Variants in MARCHF6 observed in about 807,000 individuals in gnomAD.
MARCHF6 encodes membrane associated ring-CH-type finger 6.
MARCHF6 carries 31 observed loss-of-function variants against 133.7 expected under a neutral mutation model. That is an observed-to-expected ratio of 0.23 (90% CI 0.17 to 0.31). The LOEUF is 0.31. Ranked by LOEUF, MARCHF6 falls within the 10% of genes least tolerant of loss-of-function variation. MARCHF6 has a pLI of 1.00. For missense variants in MARCHF6, 723 were observed against 1,121.6 expected (o/e 0.64, Z 5.08); for synonymous variants, 395 against 402.5 (o/e 0.98, Z 0.22).
intron 1 of MARCHF6, among the ~76,000 whole-genome samples, chr5:10,365,822 C>CT (rs901655447): frequency 4.6e-5 from 7 of 151,754 alleles, no homozygotes; most frequent in African/African-American, 1.2e-4. Flanking sequence ...CAGTGGCTGT[C>CT]TTTTTTTTGC....
intron 1 of MARCHF6, among the ~76,000 whole-genome samples, chr5:10,372,784 T>C (rs571972114): frequency 6.6e-6 from 1 of 152,336 alleles, no homozygotes; most frequent in African/African-American, 2.4e-5. Flanking sequence ...GCCAATCTCT[T>C]TAATACCTAT....
At chr5:10,381,587 T>G (rs1269851791) in intron 3 of MARCHF6, among the ~76,000 whole-genome samples, 7 of 152,226 alleles carry the variant, frequency 4.6e-5, no homozygotes, top group Admixed American at 6.5e-5. Flanking sequence ...CCCAGAGGCC[T>G]TTGTTGATTT....
chr5:10,360,509 A>G (rs1735761184), intron 1 of MARCHF6, among the ~76,000 whole-genome samples: 1 of 152,128 alleles, frequency 6.6e-6, no homozygotes, highest in African/African-American at 2.4e-5. Flanking sequence ...TGTATATGGA[A>G]GGATGTGCAT....
chr5:10,425,906 T>A (rs1294539158), intron 23 of MARCHF6, among the ~76,000 whole-genome samples: 1 of 152,272 alleles, frequency 6.6e-6, no homozygotes, highest in African/African-American at 2.4e-5. Flanking sequence ...ACTAAATTTT[T>A]AAATACCTTT....
At chr5:10,376,760 C>T (rs1736806522) in intron 1 of MARCHF6, among the ~76,000 whole-genome samples, 1 of 152,200 alleles carries the variant, frequency 6.6e-6, no homozygotes, top group South Asian at 2.1e-4. Context: ...TGCCTGTAAC[C>T]ACGCACCACA....
At chr5:10,430,932 G>A (rs536126634) in intron 25 of MARCHF6, among the ~76,000 whole-genome samples, 25 of 152,330 alleles carry the variant, frequency 1.6e-4, no homozygotes, top group African/African-American at 5.5e-4. Context: ...CCGAACTGTA[G>A]GCTGAATCAT....
At chr5:10,407,642 T>A (rs1336964959) in intron 17 of MARCHF6, among the ~76,000 whole-genome samples, 1 of 152,126 alleles carries the variant, frequency 6.6e-6, no homozygotes, top group Non-Finnish European at 1.5e-5. Context: ...ATGGAACATC[T>A]TTTTTGCTTT....
chr5:10,438,439 C>G lies in MARCHF6; in HGVS notation c.*4755C>G, dbSNP rs1316008887. On this transcript the variant is annotated 3_prime_UTR_variant, in exon 26 of 26. Coordinates refer to ENST00000274140, the MANE Select transcript of MARCHF6 (RefSeq NM_005885.4). ...GAAATGCTATTCGAACCATAGACAT[C>G]TTTAATCTGTGAAGCTGAAATTTTT... 1 of 152,188 alleles carries G rather than the reference C, an allele frequency of 6.6e-6. No homozygotes were observed. The highest frequency in any genetic ancestry group is 2.4e-5 in the African/African-American group (1 of 41,448). 9.4% of individuals were successfully genotyped at this position (152,188 alleles called of 1,614,324 possible). A position where few individuals can be genotyped will look rare whatever the true frequency, so the allele number is the denominator to read the frequency against.
chr5:10,413,122 T>G (rs1008593074), intron 19 of MARCHF6, among the ~76,000 whole-genome samples: 2 of 152,206 alleles, frequency 1.3e-5, no homozygotes, highest in Admixed American at 1.3e-4. Flanking sequence ...ATATCTCTGT[T>G]CCTGATTCAG....
chr5:10,372,492 AAAT>A (rs1736530529), intron 1 of MARCHF6, among the ~76,000 whole-genome samples: 1 of 149,354 alleles, frequency 6.7e-6, no homozygotes, highest in South Asian at 2.1e-4. Context: ...TACTGCTTGG[AAAT>A]AATAATATGT....
intron 1 of MARCHF6, among the ~76,000 whole-genome samples, chr5:10,375,616 G>T (rs944797848): frequency 2.6e-5 from 4 of 152,274 alleles, no homozygotes; most frequent in Non-Finnish European, 5.9e-5. Context: ...AGCCAGCTGG[G>T]CTCCTGAGTC....
At chr5:10,365,030 T>G (rs1255325237) in intron 1 of MARCHF6, among the ~76,000 whole-genome samples, 1 of 152,092 alleles carries the variant, frequency 6.6e-6, no homozygotes, top group African/African-American at 2.4e-5. Context: ...CTTGAACTCC[T>G]GACCTCAGTT....
At chr5:10,397,372 T>TA (rs1483364861) in intron 10 of MARCHF6, 28 bp downstream of exon 10, 1 of 1,492,294 alleles carries the variant, frequency 6.7e-7, no homozygotes, top group Non-Finnish European at 9.1e-7. Context: ...TTTTTTTTTT[T>TA]ATAGTATTAT....
chr5:10,432,628 G>A (rs921636361), intron 25 of MARCHF6, among the ~76,000 whole-genome samples: 1 of 152,230 alleles, frequency 6.6e-6, no homozygotes, highest in Non-Finnish European at 1.5e-5. Flanking sequence ...CTGTCTCCTT[G>A]AGTAGGATCT....
intron 22 of MARCHF6, 129 bp downstream of exon 22, chr5:10,417,533 C>A: frequency 8.2e-7 from 1 of 1,220,412 alleles, no homozygotes; most frequent in Non-Finnish European, 1.2e-6. Context: ...ACTGCTTGCA[C>A]CCAGGAGTTC....
chr5:10,426,203 A>G (rs1259632684), intron 23 of MARCHF6, among the ~76,000 whole-genome samples, 187 bp from the exon 24 acceptor site: 1 of 152,196 alleles, frequency 6.6e-6, no homozygotes, highest in African/African-American at 2.4e-5. Context: ...TAGTGGGTAA[A>G]TACATTTCTT....
intron 22 of MARCHF6, among the ~76,000 whole-genome samples, chr5:10,419,359 G>C (rs1405984825): frequency 1.3e-5 from 2 of 152,150 alleles, no homozygotes; most frequent in Non-Finnish European, 2.9e-5. Context: ...TGTGTTAGAA[G>C]TTTTTGCCCA....
Position 10,376,034 on chromosome 5 carries a change from C to G in MARCHF6, c.20-1764C>G, listed in dbSNP as rs558178372. ...ATCAGCACCCTGTCAAAACAGGCCA[C>G]TCGGCTCTACCAATCAGCAGGATGT... On this transcript the variant is annotated intron_variant, in intron 1 of 25. Coordinates refer to ENST00000274140, the MANE Select transcript of MARCHF6 (RefSeq NM_005885.4). Among the ~76,000 whole-genome samples, 6 of 152,300 alleles carry G rather than the reference C, an allele frequency of 3.9e-5. No individual in the cohort carries two copies. In the South Asian group the frequency reaches 6.2e-4, roughly 16 times the overall value.
intron 5 of MARCHF6, among the ~76,000 whole-genome samples, chr5:10,387,523 G>A (rs977516278): frequency 2.0e-5 from 3 of 151,892 alleles, no homozygotes; most frequent in Non-Finnish European, 2.9e-5. Flanking sequence ...CTCTGGTCTC[G>A]AACTCCTGAC....
Sources: gnomAD v4.1 joint callset for allele counts (sites outside exome capture counted in the v4.1 genomes callset) on GRCh38, gnomAD v4.1.1 for gene constraint, MANE v1.5 for transcripts, NCBI Gene and HGNC (gene_info 2026-07-23, HGNC 2026-07-21) for gene names.